The following NUP160 variants were observed in gnomAD, a reference collection of about 807,000 sequenced individuals.
NUP160 encodes the protein nuclear pore complex protein Nup160.
A neutral mutation model predicts 196.9 loss-of-function variants in NUP160; 94 were observed. The observed-to-expected ratio is 0.48, with a 90% CI of 0.40 to 0.57. The LOEUF (loss-of-function observed/expected upper bound fraction) is 0.57, where lower values mean the gene tolerates loss of function less well. NUP160 is among the 20% of genes least tolerant of loss of function. The pLI, the probability that NUP160 is intolerant of heterozygous loss-of-function variation, is 0.00. For synonymous variants in NUP160, 605 were observed against 619.7 expected (o/e 0.98, Z 0.35); for missense variants, 1,638 against 1,748.3 (o/e 0.94, Z 1.13).
At chr11:47,814,184 T>C (rs1017677677) in intron 13 of NUP160, among the ~76,000 whole-genome samples, 9 of 147,144 alleles carry the variant, frequency 6.1e-5, no homozygotes, top group African/African-American at 1.5e-4. Context: ...GAAACAAGCA[T>C]AGTCTTCAAA....
chr11:47,830,375 G>A (rs1852048855), intron 7 of NUP160, among the ~76,000 whole-genome samples: 2 of 152,082 alleles, frequency 1.3e-5, no homozygotes, highest in Admixed American at 1.3e-4. Flanking sequence ...TAACCCAAAG[G>A]AATACAAATC....
Position 47,788,306 on chromosome 11 carries a change from C to T in NUP160, c.3623-1G>A, listed in dbSNP as rs2097665862. On this transcript the variant is annotated splice_acceptor_variant, in intron 30 of 35. Transcript: ENST00000378460. LOFTEE classifies it high-confidence loss of function. ...ACCATTTCCTCTGCTGATGAACTTC[C>T]TGTGAAAATGGAAAAAGATTATTTC... is the stretch of plus-strand genomic sequence containing the variant. 4 of 1,613,220 alleles carry T rather than the reference C, an allele frequency of 2.5e-6. No individual in the cohort carries two copies. Among genetic ancestry groups the T allele is most frequent in the Non-Finnish European group, 3.4e-6 (4 of 1,179,816 alleles).
exon 30 of NUP160, chr11:47,788,558 A>C (rs748712790): frequency 1.9e-6 from 3 of 1,614,142 alleles, no homozygotes; most frequent in Non-Finnish European, 2.5e-6. Context: ...ATGCGAGCCA[A>C]GGAACACTCT....
chr11:47,822,020 A>AT, intron 8 of NUP160, 67 bp downstream of exon 8: 1 of 1,127,764 alleles, frequency 8.9e-7, no homozygotes, highest in Admixed American at 1.9e-5. Flanking sequence ...CCATTATACC[A>AT]TAACAGAGTT....
In NUP160 at chr11:47,848,354, G is replaced by A; in HGVS notation, c.67C>T (p.Leu23Phe). 3 of 1,612,402 alleles carry A rather than the reference G, an allele frequency of 1.9e-6. No individual in the cohort carries two copies. Among genetic ancestry groups the A allele is most frequent in the Non-Finnish European group, 2.5e-6 (3 of 1,179,336 alleles). Residue 23 changes from leucine (L) to phenylalanine (F), a missense_variant, in exon 1 of 36, where the codon CTT becomes TTT. Physicochemically the swap from Leu to Phe is conservative, Grantham distance 22. This residue lies in a region of NUP160 where 287 missense variants were observed against 259.5 expected (regional missense o/e 1.11). Transcript: ENST00000378460. ...TCGCCGCGACGCCCAACGGAACAAA[G>A]GCAGGGCCGCGCGGTCGCCGTCACT...
intron 18 of NUP160, among the ~76,000 whole-genome samples, chr11:47,807,530 G>A (rs2097678420): frequency 6.6e-6 from 1 of 152,084 alleles, no homozygotes; most frequent in Non-Finnish European, 1.5e-5. Context: ...AGCCAGGTGT[G>A]ATGGCAGGCG....
chr11:47,802,003 A>G (rs2097674440), intron 22 of NUP160, 73 bp from the exon 23 acceptor site: 2 of 1,482,594 alleles, frequency 1.3e-6, no homozygotes, highest in African/African-American at 1.4e-5. Context: ...AGGGGTTCAC[A>G]TGTAAGGGAA....
chr11:47,794,407 G>T (rs1010985159), intron 27 of NUP160, among the ~76,000 whole-genome samples: 1 of 152,118 alleles, frequency 6.6e-6, no homozygotes, highest in Non-Finnish European at 1.5e-5. Context: ...CCCGGGAGGT[G>T]GAGTTTGCAG....
chr11:47,793,449 G>A (rs1220456414), intron 27 of NUP160, among the ~76,000 whole-genome samples: 1 of 152,090 alleles, frequency 6.6e-6, no homozygotes. Context: ...CTGTTGCTGG[G>A]AATGTCAAAT....
chr11:47,799,757 G>A (rs2097673053), intron 23 of NUP160, among the ~76,000 whole-genome samples: 1 of 151,504 alleles, frequency 6.6e-6, no homozygotes, highest in South Asian at 2.1e-4. Flanking sequence ...TGTTGTCTGG[G>A]CTAATCTCAA....
intron 4 of NUP160, among the ~76,000 whole-genome samples, chr11:47,838,481 G>A (rs1426350556): frequency 6.6e-6 from 1 of 152,164 alleles, no homozygotes; most frequent in Non-Finnish European, 1.5e-5. Flanking sequence ...GCTGAGGCAG[G>A]CGGATCACTT....
At chr11:47,824,638 CTT>C (rs1486269281) in intron 7 of NUP160, among the ~76,000 whole-genome samples, 5 of 151,608 alleles carry the variant, frequency 3.3e-5, no homozygotes, top group Non-Finnish European at 7.4e-5. Flanking sequence ...AAAAAACAAA[CTT>C]ATTTATTTTT....
chr11:47,840,500 A>G (rs1451528262), exon 3 of NUP160: 3 of 1,614,020 alleles, frequency 1.9e-6, no homozygotes, highest in Non-Finnish European at 2.5e-6. Flanking sequence ...AAAACACTGC[A>G]ATTTTGGAAT....
intron 7 of NUP160, among the ~76,000 whole-genome samples, chr11:47,835,430 G>A (rs1852154089): frequency 1.3e-5 from 2 of 152,124 alleles, no homozygotes; most frequent in Admixed American, 1.3e-4. Flanking sequence ...TTTAGTTTCT[G>A]TTAACTTTTC....
chr11:47,839,935 G>C, exon 4 of NUP160: 5 of 1,614,186 alleles, frequency 3.1e-6, no homozygotes, highest in Non-Finnish European at 3.4e-6. Context: ...GCTGAGCCAG[G>C]CTGTAGAGGC....
At chr11:47,839,600 C>A in intron 4 of NUP160, 1 of 483,430 alleles carries the variant, frequency 2.1e-6, no homozygotes, top group Admixed American at 3.6e-5. Flanking sequence ...CCCATCTCTA[C>A]TACAAGATTT....
intron 10 of NUP160, among the ~76,000 whole-genome samples, chr11:47,818,936 C>T (rs189406725): frequency 7.4e-4 from 112 of 152,054 alleles, no homozygotes; most frequent in African/African-American, 2.7e-3. Context: ...GTTTCAGATC[C>T]CAAGCCCATA....
At chr11:47,803,309 T>C in intron 22 of NUP160, 129 bp downstream of exon 22, 1 of 637,426 alleles carries the variant, frequency 1.6e-6, no homozygotes, top group Middle Eastern at 2.7e-4. Context: ...CTGGCATTAG[T>C]ACAGTCTTCT....
At position 47,803,552 on chromosome 11, in the gene NUP160, G is replaced by C; in HGVS notation, c.2677-16C>G. 1.4e-6 allele frequency: 2 copies of C among 1,396,112 alleles called. No homozygotes were observed. The highest frequency in any genetic ancestry group is 1.2e-5 in the South Asian group (1 of 85,962). The allele number at this position is 1,396,112 out of a possible 1,614,324, so 86.5% of individuals were successfully genotyped here. On this transcript the variant is annotated splice_polypyrimidine_tract_variant and intron_variant, in intron 21 of 35. Coordinates refer to ENST00000378460, the Ensembl canonical transcript of NUP160. ...GAATATAATCCTTAAAGGCATAAAA[G>C]GTGCTTTCTGATTAGAAAATAAATG...
Sources: gnomAD v4.1 joint callset for allele counts (sites outside exome capture counted in the v4.1 genomes callset) on GRCh38, gnomAD v4.1.1 for gene constraint, gnomAD v4.1.1 regional missense constraint, MANE v1.5 for transcripts, NCBI Gene and HGNC (gene_info 2026-07-23, HGNC 2026-07-21) for gene names.